Variants in AIG1 observed in about 807,000 individuals in gnomAD.
The protein encoded by AIG1 is androgen induced 1.
A neutral mutation model predicts 31.4 loss-of-function variants in AIG1; 23 were observed. The observed-to-expected ratio is 0.73, with a 90% CI of 0.53 to 1.04. The LOEUF is 1.04. Ranked by LOEUF, AIG1 falls within the 50% of genes least tolerant of loss-of-function variation. The pLI is 0.00. For missense variants in AIG1, 274 were observed against 295.0 expected, an observed-to-expected ratio of 0.93 and a Z score of 0.52; for synonymous variants, 100 against 110.5, an observed-to-expected ratio of 0.90 and a Z score of 0.60.
chr6:143,211,332 G>A (rs1210120332), intron 3 of AIG1, among the ~76,000 whole-genome samples: 2 of 152,092 alleles, frequency 1.3e-5, no homozygotes, highest in African/African-American at 2.4e-5. Context: ...TAGTAGAGGA[G>A]GCATATAATA....
chr6:143,217,964 C>T (rs987645363), intron 3 of AIG1, among the ~76,000 whole-genome samples: 2 of 152,228 alleles, frequency 1.3e-5, no homozygotes, highest in Admixed American at 1.3e-4. Flanking sequence ...CTTGAGATCA[C>T]CAGTTTCCCT....
At chr6:143,195,905 A>T (rs1463208530) in intron 3 of AIG1, among the ~76,000 whole-genome samples, 5 of 152,208 alleles carry the variant, frequency 3.3e-5, no homozygotes, top group African/African-American at 1.2e-4. Context: ...GTCATGTGGC[A>T]TGTTTTTAGG....
downstream of AIG1, chr6:143,342,760 A>C (rs1487278795): frequency 2.4e-6 from 2 of 823,504 alleles, no homozygotes; most frequent in Non-Finnish European, 4.4e-6. Context: ...CTCAGGTATC[A>C]TAGCTGCAAA....
chr6:143,102,472 A>ATG (rs1044710543), intron 1 of AIG1, among the ~76,000 whole-genome samples: 1 of 147,366 alleles, frequency 6.8e-6, no homozygotes, highest in African/African-American at 2.5e-5. Context: ...ATATATATAT[A>ATG]AAATATAATA....
Position 143,159,788 on chromosome 6 carries a change from C to T in AIG1, c.298-5294C>T, listed in dbSNP as rs149984521. Reference sequence around the variant, plus strand: ...CAAGGGCTGTGCTGAAGGAGACATTCACTCTTTGCATGGGGGCCATCAGAG... The same window carrying T: ...CAAGGGCTGTGCTGAAGGAGACATTTACTCTTTGCATGGGGGCCATCAGAG... On this transcript the variant is annotated intron_variant, in intron 2 of 5. Transcript: ENST00000357847. Among the ~76,000 whole-genome samples, 167 of 152,304 alleles carry T rather than the reference C, an allele frequency of 1.1e-3. 1 individual carries two copies. Among genetic ancestry groups the T allele is most frequent in the African/African-American group, 3.8e-3 (160 of 41,578 alleles).
At chr6:143,130,234 A>G (rs573913728) in intron 1 of AIG1, among the ~76,000 whole-genome samples, 21 of 152,080 alleles carry the variant, frequency 1.4e-4, no homozygotes, top group Admixed American at 3.9e-4. Flanking sequence ...CTGCTGATAG[A>G]TACTTTAAAA....
At chr6:143,217,723 C>T (rs1260200221) in intron 3 of AIG1, among the ~76,000 whole-genome samples, 2 of 152,088 alleles carry the variant, frequency 1.3e-5, no homozygotes, top group Non-Finnish European at 2.9e-5. Context: ...TGGCCAGGCT[C>T]ATCTGGAACT....
At chr6:143,192,357 C>T (rs1196858916) in intron 3 of AIG1, among the ~76,000 whole-genome samples, 1 of 152,186 alleles carries the variant, frequency 6.6e-6, no homozygotes, top group Admixed American at 6.5e-5. Context: ...GCAATCCCAG[C>T]ACTTTGGGAG....
intron 3 of AIG1, among the ~76,000 whole-genome samples, chr6:143,216,308 A>G (rs1485842812): frequency 6.6e-6 from 1 of 152,190 alleles, no homozygotes; most frequent in Non-Finnish European, 1.5e-5. Context: ...CAGTTCCATT[A>G]TGTTCAGTTT....
chr6:143,236,961 T>C (rs1348023316), intron 3 of AIG1, among the ~76,000 whole-genome samples: 3 of 151,982 alleles, frequency 2.0e-5, no homozygotes, highest in Non-Finnish European at 4.4e-5. Flanking sequence ...AGAAACCCAG[T>C]GAAGGAGGTA....
intron 4 of AIG1, among the ~76,000 whole-genome samples, chr6:143,321,503 G>C (rs1255219586): frequency 6.6e-6 from 1 of 151,978 alleles, no homozygotes; most frequent in Non-Finnish European, 1.5e-5. Flanking sequence ...GGAGTCTGAG[G>C]CAGAGAATCT....
rs1414258153 is a variant in AIG1, at chr6:143,266,362, A to AT, written c.400-17748_400-17747insT. Among the ~76,000 whole-genome samples, 8 of 142,142 alleles carry AT rather than the reference A, an allele frequency of 5.6e-5. No individual in the cohort carries two copies. The South Asian group carries it at 7.0e-4, about 13-fold the overall frequency. The allele number at this position is 142,142 out of a possible 152,430, so 93.3% of individuals were successfully genotyped here. A position where few individuals can be genotyped will look rare whatever the true frequency, so the allele number is the denominator to read the frequency against. The stretch of plus-strand genomic sequence containing the variant: ...AGTCCGTCTCAAAAAAAAAAAAAAA[A>AT]AAAGAATAATAATATGGCCCATTCA... On this transcript the variant is annotated intron_variant, in intron 3 of 5. Transcript: ENST00000357847.
intron 1 of AIG1, among the ~76,000 whole-genome samples, chr6:143,128,576 C>T (rs1782904084): frequency 6.6e-6 from 1 of 152,194 alleles, no homozygotes; most frequent in African/African-American, 2.4e-5. Flanking sequence ...TTGGAAGTGC[C>T]AGCTCTGCAG....
chr6:143,069,166 C>T (rs185013042), intron 1 of AIG1, among the ~76,000 whole-genome samples: 158 of 152,102 alleles, frequency 1.0e-3, no homozygotes, highest in African/African-American at 3.5e-3. Flanking sequence ...AGGTGCATGC[C>T]GCCACTCCTG....
At chr6:143,187,738 C>G in intron 3 of AIG1, 1 of 1,535,682 alleles carries the variant, frequency 6.5e-7, no homozygotes, top group Non-Finnish European at 8.7e-7. Flanking sequence ...AAGGATTGAC[C>G]TGGTGCCATG....
At chr6:143,220,769 C>A (rs1482212611) in intron 3 of AIG1, among the ~76,000 whole-genome samples, 1 of 152,218 alleles carries the variant, frequency 6.6e-6, no homozygotes, top group African/African-American at 2.4e-5. Context: ...TGATCACATG[C>A]AGAGCACACA....
chr6:143,305,191 T>G (rs1799171220), intron 4 of AIG1, among the ~76,000 whole-genome samples: 1 of 152,218 alleles, frequency 6.6e-6, no homozygotes, highest in Non-Finnish European at 1.5e-5. Context: ...CTGGATTCAT[T>G]AATTTTTTGA....
chr6:143,267,454 A>G (rs1796234716), intron 3 of AIG1, among the ~76,000 whole-genome samples: 1 of 151,984 alleles, frequency 6.6e-6, no homozygotes, highest in Non-Finnish European at 1.5e-5. Context: ...ATAATCCTCT[A>G]CTCATTTGAT....
At chr6:143,222,302 C>G (rs1334473023) in intron 3 of AIG1, among the ~76,000 whole-genome samples, 1 of 152,136 alleles carries the variant, frequency 6.6e-6, no homozygotes. Context: ...CCCCATAGCA[C>G]TCACTAGTAG....
Sources: gnomAD v4.1 joint callset for allele counts (sites outside exome capture counted in the v4.1 genomes callset) on GRCh38, gnomAD v4.1.1 for gene constraint, MANE v1.5 for transcripts, NCBI Gene and HGNC (gene_info 2026-07-23, HGNC 2026-07-21) for gene names.